Variants in GFI1B observed in about 807,000 individuals in gnomAD.
GFI1B encodes the protein zinc finger protein Gfi-1b.
GFI1B carries 20 observed loss-of-function variants against 35.3 expected under a neutral mutation model. That is an observed-to-expected ratio of 0.57 (90% confidence interval 0.40 to 0.82). GFI1B has a LOEUF of 0.82. Among genes scored for constraint, GFI1B ranks in the 40% least tolerant of loss-of-function variants. The pLI, the probability that GFI1B is intolerant of heterozygous loss-of-function variation, is 0.00. For missense variants in GFI1B, 430 were observed against 446.3 expected (o/e 0.96, Z 0.33); for synonymous variants, 178 against 177.6 (o/e 1.00, Z -0.02).
chr9:132,953,938 A>AAAAT (rs927797569), intron 1 of GFI1B, among the ~76,000 whole-genome samples: 1 of 152,150 alleles, frequency 6.6e-6, no homozygotes, highest in African/African-American at 2.4e-5. Context: ...CTCCATCTCA[A>AAAAT]AAATAAATAA....
intron 1 of GFI1B, among the ~76,000 whole-genome samples, chr9:132,947,809 CAAAAAAAAAAAA>C (rs58406908): frequency 3.0e-4 from 26 of 86,088 alleles, no homozygotes; most frequent in African/African-American, 1.0e-3. Flanking sequence ...ACTTGGTCTC[CAAAAAAAAAAAA>C]AAAAAAAAAC....
chr9:132,989,260 G>C lies in GFI1B; in HGVS notation c.648+62G>C. ...CTCCTTCTCTGTGCTTCCCCAGGGA[G>C]CCTGGGGGCTGTGGCTGGGTCCCTC... On this transcript the variant is annotated intron_variant, in intron 5 of 6. Coordinates refer to ENST00000372122, the MANE Select transcript of GFI1B (RefSeq NM_001377304.1). The surrounding 1 kb of genome is among the most constrained non-coding windows in gnomAD (Gnocchi z 6.2). 2 of 1,527,384 alleles carry C rather than the reference G, an allele frequency of 1.3e-6. No homozygotes were observed. Among genetic ancestry groups the C allele is most frequent in the Non-Finnish European group, 1.8e-6 (2 of 1,111,990 alleles). The allele number at this position is 1,527,384 out of a possible 1,614,324, so 94.6% of individuals were successfully genotyped here. A position where few individuals can be genotyped will look rare whatever the true frequency, so the allele number is the denominator to read the frequency against.
In GFI1B at chr9:132,989,098, G is replaced by A. The variant is rs148728985; in HGVS notation, c.548G>A (p.Arg183Gln). Residue 183 changes from arginine to glutamine, a missense_variant, in exon 5 of 7, where the codon CGA (arginine) becomes CAA (glutamine). Physicochemically the swap from Arg to Gln is conservative, Grantham distance 43. Transcript: ENST00000372122. This position sits in a 1 kb window ranked among gnomAD's most constrained non-coding sequence, Gnocchi z 6.2. ...STPHGLEVHV[R>Q]RSHSGTRPFA... ...CCTCACGGGCTCGAAGTGCATGTGC[G>A]ACGCTCCCATAGTGGGACCCGGCCC... 167 of 1,613,968 alleles carry A rather than the reference G, an allele frequency of 1.0e-4. No individual in the cohort carries two copies. Among genetic ancestry groups the A allele is most frequent in the Admixed American group, 3.5e-4 (21 of 60,030 alleles).
At position 132,950,651 on chromosome 9, in the gene GFI1B, C is replaced by T. The variant is rs962939382; in HGVS notation, c.-701+4982C>T. 4.8e-5 allele frequency among the ~76,000 whole-genome samples: 4 copies of T among 82,540 alleles called. 1 individual carries two copies. Among genetic ancestry groups the T allele is most frequent in the African/African-American group, 2.5e-4 (4 of 15,938 alleles). 54.1% of individuals were successfully genotyped at this position (82,540 alleles called of 152,430 possible). A position where few individuals can be genotyped will look rare whatever the true frequency, so the allele number is the denominator to read the frequency against. On this transcript the variant is annotated intron_variant, in intron 1 of 10. Coordinates refer to the GFI1B transcript ENST00000339463. ...TCGGCTCACTGCAAGCTCTGCCTCC[C>T]GGGTTCAAGCAATTCACTACGCACT...
chr9:132,972,848 C>T (rs911619073), intron 2 of GFI1B: 1 of 152,146 alleles, frequency 6.6e-6, no homozygotes, highest in African/African-American at 2.4e-5. Flanking sequence ...GTGCCAGCCC[C>T]GACGACAGGC....
chr9:132,954,879 C>T (rs1848260045), intron 1 of GFI1B, among the ~76,000 whole-genome samples: 1 of 151,900 alleles, frequency 6.6e-6, no homozygotes, highest in South Asian at 2.1e-4. Flanking sequence ...CCACCAAGCC[C>T]AGCTAATTTT....
chr9:132,977,070 G>A (rs139550829), upstream of GFI1B, among the ~76,000 whole-genome samples: 2,215 of 152,252 alleles, frequency 0.015, 25 homozygotes, highest in Admixed American at 0.029. Context: ...CAATTATCCT[G>A]CCTCAGCCTC....
intron 2 of GFI1B, among the ~76,000 whole-genome samples, chr9:132,972,948 A>G (rs1013414670): frequency 3.3e-5 from 5 of 152,172 alleles, no homozygotes; most frequent in Non-Finnish European, 7.4e-5. Flanking sequence ...GCCGCCGATG[A>G]CCAGGTGGAC....
intron 1 of GFI1B, among the ~76,000 whole-genome samples, chr9:132,983,372 T>A (rs1848904222): frequency 6.6e-6 from 1 of 152,038 alleles, no homozygotes; most frequent in African/African-American, 2.4e-5. Context: ...AATTTTTGTA[T>A]TTTTTGTAGA....
At chr9:132,987,855 T>A (rs1019590976) in intron 3 of GFI1B, among the ~76,000 whole-genome samples, 3 of 152,144 alleles carry the variant, frequency 2.0e-5, no homozygotes, top group Non-Finnish European at 4.4e-5. Flanking sequence ...TATTTCATTT[T>A]ATTTTTTGAG....
chr9:132,965,265 C>T (rs1848433443), intron 1 of GFI1B, among the ~76,000 whole-genome samples: 1 of 152,220 alleles, frequency 6.6e-6, no homozygotes, highest in East Asian at 1.9e-4. Flanking sequence ...GCTGAAAGAA[C>T]TGGCTGCTTC....
rs1240130912 is a variant in GFI1B, at chr9:132,989,649, G to A, written c.649-93G>A. The A allele has an allele frequency of 7.0e-6, 7 of 1,004,520 alleles. No homozygotes were observed. Among genetic ancestry groups the A allele is most frequent in the South Asian group, 1.4e-5 (1 of 73,922 alleles). The allele number at this position is 1,004,520 out of a possible 1,614,324, so 62.2% of individuals were successfully genotyped here. ...TCCCCCGGTCCTGCTCCTCCAGGCCGCCCCAATGGAGTGTCCTGTTCCGCA... is the reference window on the plus strand; with the variant it reads ...TCCCCCGGTCCTGCTCCTCCAGGCCACCCCAATGGAGTGTCCTGTTCCGCA... On this transcript the variant is annotated intron_variant, in intron 5 of 6. Transcript: ENST00000372122. The surrounding 1 kb of genome is among the most constrained non-coding windows in gnomAD (Gnocchi z 6.2).
In GFI1B at chr9:132,973,486, C is replaced by A. The variant is rs114959754; in HGVS notation, c.-679+740C>A. On this transcript the variant is annotated intron_variant, in intron 2 of 10. Coordinates refer to the GFI1B transcript ENST00000339463. ...CCATGACGTTCCTGCCCTTAAGGAG[C>A]CCCCAGTCTCACCGAAAAGCAAGTG... Among the ~76,000 whole-genome samples the A allele has an allele frequency of 8.5e-5, 13 of 152,304 alleles. No individual in the cohort carries two copies. The South Asian group carries it at 1.0e-3, about 12-fold the overall frequency.
chr9:132,948,260 C>G (rs181795258), intron 1 of GFI1B, among the ~76,000 whole-genome samples: 1 of 152,118 alleles, frequency 6.6e-6, no homozygotes, highest in East Asian at 1.9e-4. Context: ...GAAGCTGTGG[C>G]CTCTCCCTTC....
intron 1 of GFI1B, among the ~76,000 whole-genome samples, chr9:132,972,087 C>A (rs1848541352): frequency 6.6e-6 from 1 of 151,784 alleles, no homozygotes. Flanking sequence ...CCAACCTGGA[C>A]AACAGAGCAA....
chr9:132,986,814 AC>A lies in GFI1B; in HGVS notation c.100+37del, dbSNP rs751910167. The A allele has an allele frequency of 4.6e-6, 6 of 1,295,688 alleles. No individual in the cohort carries two copies. In the African/African-American group the frequency reaches 8.7e-5, roughly 19 times the overall value. The allele number at this position is 1,295,688 out of a possible 1,614,324, so 80.3% of individuals were successfully genotyped here. ...GCCCGGGCTGGCGCCTGCTGCACCC[AC>A]GGGGGGCTCTCTGCTCTGCGTGATG... On this transcript the variant is annotated intron_variant, in intron 2 of 6. Coordinates refer to ENST00000372122, the MANE Select transcript of GFI1B (RefSeq NM_001377304.1).
At chr9:132,963,523 T>C (rs1219335475) in intron 1 of GFI1B, among the ~76,000 whole-genome samples, 1 of 151,930 alleles carries the variant, frequency 6.6e-6, no homozygotes, top group Non-Finnish European at 1.5e-5. Flanking sequence ...TATTTTCCCT[T>C]GAGATGGAGT....
At chr9:132,992,284 A>G (rs1042772048), downstream of GFI1B, among the ~76,000 whole-genome samples, 1 of 152,066 alleles carries the variant, frequency 6.6e-6, no homozygotes, top group Admixed American at 6.6e-5. Context: ...AAATCATCCC[A>G]TCTCAAGATC....
At chr9:132,973,550 G>A (rs1268664831) in intron 2 of GFI1B, among the ~76,000 whole-genome samples, 1 of 152,218 alleles carries the variant, frequency 6.6e-6, no homozygotes, top group Non-Finnish European at 1.5e-5. Flanking sequence ...GAATCCAAGG[G>A]TCGTCACGGG....
Sources: allele counts gnomAD v4.1 joint callset (sites outside exome capture counted in the v4.1 genomes callset), GRCh38; gene constraint gnomAD v4.1.1; non-coding constraint Gnocchi (gnomAD v3.1); transcripts MANE v1.5; gene names NCBI Gene and HGNC (gene_info 2026-07-23, HGNC 2026-07-21).